The following KMT2C variants were observed in gnomAD, a reference collection of about 807,000 sequenced individuals.
KMT2C encodes histone-lysine N-methyltransferase 2C.
KMT2C carries 88 observed loss-of-function variants against 507.9 expected under a neutral mutation model. That is an observed-to-expected ratio of 0.17 (90% confidence interval 0.15 to 0.21). KMT2C has a LOEUF of 0.21. KMT2C is among the 10% of genes least tolerant of loss of function. The pLI is 1.00. For missense variants in KMT2C, 4,954 were observed against 5,957.8 expected (o/e 0.83, Z 5.55); for synonymous variants, 2,049 against 2,080.8 (o/e 0.98, Z 0.42).
At chr7:152,359,346 A>G (rs2097177394) in intron 1 of KMT2C, among the ~76,000 whole-genome samples, 1 of 152,116 alleles carries the variant, frequency 6.6e-6, no homozygotes, top group Admixed American at 6.5e-5. Flanking sequence ...AATACGGTAT[A>G]GAAATGAGTA....
At position 152,176,614 on chromosome 7, in the gene KMT2C, G is replaced by A. The variant is rs183109642; in HGVS notation, c.8839C>T (p.Pro2947Ser). 6.2e-7 allele frequency: 1 copy of A among 1,614,158 alleles called. No individual in the cohort carries two copies. The highest frequency in any genetic ancestry group is 1.7e-5 in the Admixed American group (1 of 60,012). Residue 2947 changes from proline to serine, a missense_variant, in exon 38 of 59, where the codon CCA (proline) becomes TCA (serine). Pro to Ser is a moderately conservative substitution (Grantham distance 74). Coordinates refer to ENST00000262189, the MANE Select transcript of KMT2C (RefSeq NM_170606.3). ...GGCAAACTTGACACATGATTGGATG[G>A]GGAGGCCGGCAGAGTTGGTGGTGGT... Reference protein sequence around the residue: ...SPPPPTLPASPSNHVSSLPPF... With the variant: ...SPPPPTLPASSSNHVSSLPPF...
chr7:152,312,630 T>A (rs1337266708), intron 4 of KMT2C, among the ~76,000 whole-genome samples: 1 of 152,108 alleles, frequency 6.6e-6, no homozygotes, highest in African/African-American at 2.4e-5. Flanking sequence ...AGGAAGATAG[T>A]ATAACAGCAA....
At chr7:152,139,640 TGC>T in intron 56 of KMT2C, 33 bp downstream of exon 56, 1 of 1,346,866 alleles carries the variant, frequency 7.4e-7, no homozygotes, top group South Asian at 1.2e-5. Flanking sequence ...AGGATGATGG[TGC>T]TGTGTATACA....
intron 9 of KMT2C, among the ~76,000 whole-genome samples, chr7:152,255,090 G>C (rs114732027): frequency 0.011 from 1,315 of 120,372 alleles, 31 homozygotes; most frequent in African/African-American, 0.039. Context: ...TTAAAATCAA[G>C]ATGTCAATCA....
At position 152,137,192 on chromosome 7, in the gene KMT2C, A is replaced by T. The variant is rs2089954945; in HGVS notation, c.14644-268T>A. ...GAAAGCTGTATTTCTGTGACTTCTC[A>T]TAATGCTGTCCCTGCAAGTGGATGG... On this transcript the variant is annotated intron_variant, in intron 58 of 58. Coordinates refer to ENST00000262189, the MANE Select transcript of KMT2C (RefSeq NM_170606.3). 8.0e-6 allele frequency: 3 copies of T among 376,586 alleles called. No homozygotes were observed. The East Asian group carries it at 1.5e-4, about 19-fold the overall frequency. The allele number at this position is 376,586 out of a possible 1,614,324, so 23.3% of individuals were successfully genotyped here.
intron 2 of KMT2C, among the ~76,000 whole-genome samples, chr7:152,339,473 T>G (rs2096970047): frequency 1.3e-5 from 2 of 152,234 alleles, no homozygotes; most frequent in South Asian, 4.1e-4. Context: ...ACTGCTAGAT[T>G]TTATAATTTA....
At chr7:152,279,434 A>G (rs372983605) in intron 6 of KMT2C, among the ~76,000 whole-genome samples, 2 of 151,584 alleles carry the variant, frequency 1.3e-5, no homozygotes, top group South Asian at 4.2e-4. Flanking sequence ...TGAGATTCAC[A>G]ATCTAGGGAA....
intron 52 of KMT2C, among the ~76,000 whole-genome samples, chr7:152,147,426 G>A (rs896232574): frequency 6.6e-6 from 1 of 152,130 alleles, no homozygotes; most frequent in African/African-American, 2.4e-5. Flanking sequence ...GCTCACACCT[G>A]TAATCCCAGC....
At chr7:152,377,077 G>A (rs2097334471) in intron 1 of KMT2C, among the ~76,000 whole-genome samples, 2 of 152,312 alleles carry the variant, frequency 1.3e-5, no homozygotes, top group Admixed American at 6.5e-5. Context: ...GGCTAATGCA[G>A]CTGGTAACTT....
At chr7:152,190,754 T>C (rs1478843082) in intron 31 of KMT2C, among the ~76,000 whole-genome samples, 1 of 152,204 alleles carries the variant, frequency 6.6e-6, no homozygotes, top group African/African-American at 2.4e-5. Context: ...CATCAGACAA[T>C]AAAGCATATT....
intron 1 of KMT2C, chr7:152,368,430 GT>G: frequency 8.7e-7 from 1 of 1,152,254 alleles, no homozygotes; most frequent in Non-Finnish European, 1.3e-6. Flanking sequence ...TGGAGCAGGT[GT>G]TAGAGATGAA....
chr7:152,176,069 GA>G, intron 38 of KMT2C, 121 bp downstream of exon 38: 1 of 1,044,964 alleles, frequency 9.6e-7, no homozygotes, highest in East Asian at 2.4e-5. Context: ...ACTCCTCAAG[GA>G]GGAATAGAAA....
intron 31 of KMT2C, among the ~76,000 whole-genome samples, chr7:152,191,109 C>T (rs1311698088): frequency 1.3e-5 from 2 of 152,202 alleles, no homozygotes; most frequent in South Asian, 2.1e-4. Context: ...AGATTCTATA[C>T]TCTACTGGCA....
chr7:152,223,923 T>C, intron 20 of KMT2C, 92 bp downstream of exon 20: 4 of 985,474 alleles, frequency 4.1e-6, no homozygotes, highest in Non-Finnish European at 5.9e-6. Context: ...ACCTAAAACT[T>C]GTGATTAAGG....
chr7:152,414,373 T>C (rs2097712802), intron 1 of KMT2C, among the ~76,000 whole-genome samples: 1 of 149,988 alleles, frequency 6.7e-6, no homozygotes. Flanking sequence ...CTACTAAAAA[T>C]ACAAATTAGC....
chr7:152,269,709 G>A (rs1172723521), intron 7 of KMT2C, among the ~76,000 whole-genome samples: 1 of 152,294 alleles, frequency 6.6e-6, no homozygotes, highest in Non-Finnish European at 1.5e-5. Flanking sequence ...ACTGATCAAT[G>A]AAAGTGATGA....
intron 23 of KMT2C, among the ~76,000 whole-genome samples, chr7:152,211,032 C>G (rs1159004581): frequency 2.0e-5 from 3 of 151,232 alleles, no homozygotes; most frequent in African/African-American, 7.4e-5. Context: ...CTGAAAGAGA[C>G]CACTCAGTGC....
intron 2 of KMT2C, among the ~76,000 whole-genome samples, chr7:152,340,030 C>T (rs752677051): frequency 2.6e-5 from 4 of 151,890 alleles, no homozygotes; most frequent in African/African-American, 4.8e-5. Context: ...GTCACCCAGG[C>T]TAGAGTACAG....
rs113490829 is a variant in KMT2C, at chr7:152,177,440, C to T, written c.8013G>A (p.Thr2671=). Residue 2671 remains threonine (T), a synonymous_variant, in exon 38 of 59, where the codon ACG becomes ACA. Transcript: ENST00000262189. The part of the protein sequence containing the change: ...PLSTSVPSET[T]SDNLQITTQP... Reference sequence around the variant, plus strand: ...GGGTGGTTATCTGTAAATTATCAGACGTTGTTTCAGACGGTACAGATGTTG... The same window carrying T: ...GGGTGGTTATCTGTAAATTATCAGATGTTGTTTCAGACGGTACAGATGTTG... 9.9e-6 allele frequency: 16 copies of T among 1,614,102 alleles called. No homozygotes were observed. The highest frequency in any genetic ancestry group is 9.3e-5 in the African/African-American group (7 of 75,034).
Sources: allele counts gnomAD v4.1 joint callset (sites outside exome capture counted in the v4.1 genomes callset), GRCh38; gene constraint gnomAD v4.1.1; transcripts MANE v1.5; gene names NCBI Gene and HGNC (gene_info 2026-07-23, HGNC 2026-07-21).